ZNF215: variants seen among roughly 807,000 people sequenced by gnomAD.
ZNF215 encodes the protein BWSCR2-associated zinc finger protein 2.
Under a neutral mutation model 27.2 loss-of-function variants are expected in ZNF215, and 24 were observed. The ratio of observed to expected loss-of-function variants is 0.88; its 90% CI spans 0.64 to 1.24. ZNF215 has a LOEUF of 1.24. Ranked by LOEUF, ZNF215 falls within the 50% of genes most tolerant of loss-of-function variation. The pLI is 0.00. For missense variants in ZNF215, 675 were observed against 605.7 expected (o/e 1.11, Z -1.20); for synonymous variants, 210 against 204.0 (o/e 1.03, Z -0.25).
At chr11:6,951,439 G>A (rs919532189) in intron 6 of ZNF215, among the ~76,000 whole-genome samples, 70 of 152,172 alleles carry the variant, frequency 4.6e-4, no homozygotes, top group Non-Finnish European at 7.5e-4. Flanking sequence ...CAGAGATTCA[G>A]CTTCTTCCTT....
chr11:6,981,084 C>G lies in ZNF215; in HGVS notation c.806-3045C>G, dbSNP rs1262778930. Among the ~76,000 whole-genome samples, 911 of 151,642 alleles carry G rather than the reference C, an allele frequency of 6.0e-3. 12 individuals carry two copies. Among genetic ancestry groups the G allele is most frequent in the African/African-American group, 0.02 (846 of 41,286 alleles). ...ACAATAAACATACATGTGCATGTGT[C>G]TTTATAGCAGCATGATTTATAGTCC... On this transcript the variant is annotated intron_variant, in intron 5 of 5. Transcript: ENST00000529903.
At chr11:6,958,120 A>G, downstream of ZNF215, 6 of 956,778 alleles carry the variant, frequency 6.3e-6, no homozygotes, top group Non-Finnish European at 7.5e-6. Flanking sequence ...TGATATAGAA[A>G]TTCGTATAAA....
downstream of ZNF215, among the ~76,000 whole-genome samples, chr11:6,961,155 C>T (rs1254749330): frequency 6.6e-6 from 1 of 152,140 alleles, no homozygotes; most frequent in Non-Finnish European, 1.5e-5. Flanking sequence ...GTAGAATTTG[C>T]TCCCACATGT....
At chr11:6,945,407 C>T (rs1849783358) in intron 6 of ZNF215, among the ~76,000 whole-genome samples, 1 of 152,106 alleles carries the variant, frequency 6.6e-6, no homozygotes, top group South Asian at 2.1e-4. Flanking sequence ...CTTTTTCTCA[C>T]CTCTTCTTTG....
rs915933494 is a variant in ZNF215 at position 6,949,687 on chromosome 11, G to C, written c.713-6003G>C. ...TTTTCTCCCATTTTGTGGGTTGCCT[G>C]TTCACTCTGATGGTAGTTTCTTTTG... On this transcript the variant is annotated intron_variant, in intron 6 of 6. Transcript: ENST00000278319. Among the ~76,000 whole-genome samples, 255 of 152,242 alleles carry C rather than the reference G, an allele frequency of 1.7e-3. 1 individual carries two copies. Among genetic ancestry groups the C allele is most frequent in the Non-Finnish European group, 2.9e-3 (199 of 68,006 alleles).
At position 6,956,407 on chromosome 11, in the gene ZNF215, T is replaced by G. The variant is rs1161524972; in HGVS notation, c.1430T>G (p.Leu477Arg). The G allele has an allele frequency of 6.2e-7, 1 of 1,614,176 alleles. No individual in the cohort carries two copies. Among genetic ancestry groups the G allele is most frequent in the Admixed American group, 1.7e-5 (1 of 60,030 alleles). The change falls in exon 7 of 7, where the codon CTT (leucine) becomes CGT (arginine). Residue 477 changes from leucine (L) to arginine (R), a missense_variant. Transcript: ENST00000278319. ...AAATCCTTCAACCGGAGCTCCTCTC[T>G]TATTCGACACCAAATGATTCACACG... Reference protein sequence around the residue: ...CGKSFNRSSSLIRHQMIHTGE... With the variant: ...CGKSFNRSSSRIRHQMIHTGE...
chr11:6,970,267 A>G (rs978930590), intron 5 of ZNF215, among the ~76,000 whole-genome samples: 6 of 152,234 alleles, frequency 3.9e-5, no homozygotes, highest in Admixed American at 6.5e-5. Flanking sequence ...TTGTACAGAA[A>G]AAAATGATCC....
At chr11:6,981,159 G>T (rs1452551336) in intron 5 of ZNF215, among the ~76,000 whole-genome samples, 2 of 150,534 alleles carry the variant, frequency 1.3e-5, no homozygotes, top group Non-Finnish European at 3.0e-5. Context: ...GGTATTTCTA[G>T]TTCTAGATCC....
intron 6 of ZNF215, among the ~76,000 whole-genome samples, chr11:6,944,105 C>A (rs964810863): frequency 1.1e-4 from 16 of 152,240 alleles, no homozygotes; most frequent in South Asian, 6.2e-4. Flanking sequence ...TAAACCCTGT[C>A]TCTACTAAAA....
chr11:6,967,122 C>T (rs1850637519), intron 5 of ZNF215, among the ~76,000 whole-genome samples: 1 of 152,108 alleles, frequency 6.6e-6, no homozygotes, highest in South Asian at 2.1e-4. Context: ...CATCCATGTC[C>T]CTGCAAAGGA....
chr11:6,954,750 G>A (rs1388617130), intron 6 of ZNF215, among the ~76,000 whole-genome samples: 1 of 152,116 alleles, frequency 6.6e-6, no homozygotes, highest in African/African-American at 2.4e-5. Flanking sequence ...ACTGTCCTGC[G>A]CCCACTGTCT....
chr11:6,927,619 T>G (rs755589111), intron 1 of ZNF215, 43 bp from the exon 2 acceptor site: 2 of 152,234 alleles, frequency 1.3e-5, no homozygotes, highest in Non-Finnish European at 2.9e-5. Flanking sequence ...TATTCAGTAC[T>G]TTAGAGTTTA....
At chr11:6,943,861 T>A (rs1281137036) in intron 6 of ZNF215, among the ~76,000 whole-genome samples, 1 of 152,206 alleles carries the variant, frequency 6.6e-6, no homozygotes, top group Non-Finnish European at 1.5e-5. Context: ...CACTTAAAGC[T>A]GTGTGACCTG....
intron 5 of ZNF215, among the ~76,000 whole-genome samples, chr11:6,965,187 A>C (rs930864050): frequency 1.3e-5 from 2 of 152,132 alleles, no homozygotes; most frequent in South Asian, 2.1e-4. Flanking sequence ...GTGTTATTTC[A>C]GTAAAGGCAT....
At chr11:6,953,612 TG>T (rs1184933936) in intron 6 of ZNF215, among the ~76,000 whole-genome samples, 4 of 152,354 alleles carry the variant, frequency 2.6e-5, no homozygotes, top group African/African-American at 9.6e-5. Context: ...TTCTCTGTAT[TG>T]GTTATTCTAG....
intron 6 of ZNF215, among the ~76,000 whole-genome samples, chr11:6,949,534 G>A (rs1164199204): frequency 2.0e-5 from 3 of 151,256 alleles, no homozygotes; most frequent in Non-Finnish European, 4.5e-5. Flanking sequence ...TTTTTTGGCT[G>A]TATAAATGTC....
chr11:6,951,996 G>A (rs904223737), intron 6 of ZNF215, among the ~76,000 whole-genome samples: 21 of 152,212 alleles, frequency 1.4e-4, no homozygotes, highest in African/African-American at 5.1e-4. Context: ...TATGCACCCA[G>A]TAGTCATTCA....
At chr11:6,972,682 C>T (rs906351237) in intron 5 of ZNF215, among the ~76,000 whole-genome samples, 7 of 152,076 alleles carry the variant, frequency 4.6e-5, no homozygotes, top group Non-Finnish European at 1.0e-4. Context: ...GGTGGAATTT[C>T]AAGGAAAGCA....
intron 5 of ZNF215, among the ~76,000 whole-genome samples, chr11:6,982,630 A>C (rs1247010569): frequency 6.6e-6 from 1 of 152,202 alleles, no homozygotes; most frequent in African/African-American, 2.4e-5. Context: ...ACTACATGGA[A>C]ACTGAACAAC....
Sources: gnomAD v4.1 joint callset for allele counts (sites outside exome capture counted in the v4.1 genomes callset) on GRCh38, gnomAD v4.1.1 for gene constraint, MANE v1.5 for transcripts, NCBI Gene and HGNC (gene_info 2026-07-23, HGNC 2026-07-21) for gene names.